The following SEC22A variants were observed in gnomAD, a reference collection of about 807,000 sequenced individuals.
The protein encoded by SEC22A is SEC22 homolog A, vesicle trafficking protein.
Under a neutral mutation model 35.3 loss-of-function variants are expected in SEC22A, and 22 were observed. The ratio of observed to expected loss-of-function variants is 0.62; its 90% CI spans 0.45 to 0.89. The LOEUF (loss-of-function observed/expected upper bound fraction) is 0.89, where lower values mean the gene tolerates loss of function less well. Among genes scored for constraint, SEC22A ranks in the 40% least tolerant of loss-of-function variants. The pLI, the probability that SEC22A is intolerant of heterozygous loss-of-function variation, is 0.00. For synonymous variants in SEC22A, 119 were observed against 129.5 expected, an observed-to-expected ratio of 0.92 and a Z score of 0.55; for missense variants, 354 against 362.5, an observed-to-expected ratio of 0.98 and a Z score of 0.19.
At chr3:123,213,796 A>G (rs1455598483) in intron 2 of SEC22A, among the ~76,000 whole-genome samples, 1 of 152,204 alleles carries the variant, frequency 6.6e-6, no homozygotes, top group African/African-American at 2.4e-5. Context: ...ATTATGTGCC[A>G]AATCAGTTGA....
chr3:123,220,867 C>CATATATATATATATATAT (rs563341393), intron 2 of SEC22A, among the ~76,000 whole-genome samples: 4,061 of 95,972 alleles, frequency 0.042, 401 homozygotes, highest in Non-Finnish European at 0.062. Context: ...AAAAAGGTCT[C>CATATATATATATATATAT]ATATATATAT....
chr3:123,264,560 ATGATGCTAAACATTGTTTCATGTATT>A (rs1338772855), intron 6 of SEC22A, among the ~76,000 whole-genome samples: 1 of 151,722 alleles, frequency 6.6e-6, no homozygotes, highest in Non-Finnish European at 1.5e-5. Flanking sequence ...TCATTAGCTA[ATGATGCTAAACATTGTTTCATGTATT>A]TGTCATGTGT....
intron 4 of SEC22A, among the ~76,000 whole-genome samples, chr3:123,244,940 CT>C (rs747338351): frequency 6.6e-6 from 1 of 152,136 alleles, no homozygotes; most frequent in Non-Finnish European, 1.5e-5. Flanking sequence ...TATTGTATAA[CT>C]TTTGTGCTGC....
At chr3:123,224,217 C>G (rs1937180689) in intron 3 of SEC22A, among the ~76,000 whole-genome samples, 1 of 151,028 alleles carries the variant, frequency 6.6e-6, no homozygotes, top group Admixed American at 6.6e-5. Context: ...AGTCAGCAGG[C>G]TAGATTTGGC....
intron 5 of SEC22A, among the ~76,000 whole-genome samples, chr3:123,256,434 A>T (rs1366674422): frequency 8.4e-6 from 1 of 119,146 alleles, no homozygotes; most frequent in Non-Finnish European, 1.9e-5. Context: ...TTGCCTAAAC[A>T]AGAAGCCTCT....
intron 2 of SEC22A, 91 bp from the exon 3 acceptor site, chr3:123,223,468 G>C: frequency 1.1e-6 from 1 of 939,262 alleles, no homozygotes; most frequent in East Asian, 2.5e-5. Flanking sequence ...CACCGTAGTA[G>C]CAGTTTATGG....
chr3:123,224,276 A>AC (rs143905372), intron 3 of SEC22A, among the ~76,000 whole-genome samples: 4,587 of 152,136 alleles, frequency 0.03, 217 homozygotes, highest in African/African-American at 0.1. Flanking sequence ...AAAAAAAAAA[A>AC]CACCATGTTG....
chr3:123,226,349 C>G (rs1281471341), intron 4 of SEC22A, among the ~76,000 whole-genome samples: 1 of 152,166 alleles, frequency 6.6e-6, no homozygotes, highest in African/African-American at 2.4e-5. Context: ...ACGTCATCAC[C>G]AGCATTCATT....
intron 6 of SEC22A, among the ~76,000 whole-genome samples, chr3:123,264,339 A>G (rs140430084): frequency 1.6e-4 from 25 of 152,394 alleles, no homozygotes; most frequent in African/African-American, 6.0e-4. Context: ...GCCTAGGAGT[A>G]CAATTGCCAG....
chr3:123,246,349 A>T (rs1010668752), intron 5 of SEC22A, among the ~76,000 whole-genome samples: 3 of 152,134 alleles, frequency 2.0e-5, no homozygotes, highest in African/African-American at 7.2e-5. Context: ...GAAGGGGGAG[A>T]GGTCAGTATA....
chr3:123,212,722 A>G (rs1385597014), intron 2 of SEC22A, among the ~76,000 whole-genome samples: 1 of 150,750 alleles, frequency 6.6e-6, no homozygotes, highest in Non-Finnish European at 1.5e-5. Context: ...GCAATTTAGG[A>G]AAAAAAAAAT....
At chr3:123,238,959 A>G (rs908757052) in intron 4 of SEC22A, among the ~76,000 whole-genome samples, 4 of 152,334 alleles carry the variant, frequency 2.6e-5, no homozygotes, top group East Asian at 1.9e-4. Context: ...CATGTACTCA[A>G]CTATAACAAC....
At position 123,225,104 on chromosome 3, in the gene SEC22A, T is replaced by A. The variant is rs532530213; in HGVS notation, c.348T>A (p.Asp116Glu). Residue 116 changes from aspartate to glutamate, a missense_variant and splice_region_variant, in exon 4 of 7, where the codon GAT becomes GAA. Transcript: ENST00000492595. ...AVRPYCFIEF[D>E]NFIQRTKQRY... is the part of the protein sequence containing the mutation. Reference sequence around the variant, plus strand: ...AAATTTATTTTTTATTTTACATAGATAACTTCATTCAGAGGACCAAGCAGC... The same window carrying A: ...AAATTTATTTTTTATTTTACATAGAAAACTTCATTCAGAGGACCAAGCAGC... 6 of 1,583,148 alleles carry A rather than the reference T, an allele frequency of 3.8e-6. No individual in the cohort carries two copies. The highest frequency in any genetic ancestry group is 5.2e-6 in the Non-Finnish European group (6 of 1,159,452).
At chr3:123,215,723 A>T (rs1489127807) in intron 2 of SEC22A, among the ~76,000 whole-genome samples, 1 of 152,194 alleles carries the variant, frequency 6.6e-6, no homozygotes, top group Non-Finnish European at 1.5e-5. Context: ...TCGCATTATT[A>T]TCTGGTAAAA....
At chr3:123,226,559 A>G (rs998256110) in intron 4 of SEC22A, among the ~76,000 whole-genome samples, 1 of 152,114 alleles carries the variant, frequency 6.6e-6, no homozygotes, top group African/African-American at 2.4e-5. Flanking sequence ...TTTTTCATAT[A>G]GAGTTGTTTG....
At chr3:123,268,156 G>T (rs1265892724) in intron 6 of SEC22A, among the ~76,000 whole-genome samples, 1 of 152,124 alleles carries the variant, frequency 6.6e-6, no homozygotes, top group African/African-American at 2.4e-5. Context: ...TGATGGTGTG[G>T]GTATGGGTGG....
intron 5 of SEC22A, among the ~76,000 whole-genome samples, chr3:123,252,809 A>T (rs889262462): frequency 4.6e-5 from 7 of 152,196 alleles, no homozygotes; most frequent in Admixed American, 2.6e-4. Context: ...CGTAGCACTG[A>T]AGTTTTTCTT....
chr3:123,230,698 G>GAA (rs1559756237), intron 4 of SEC22A, among the ~76,000 whole-genome samples: 3 of 52,820 alleles, frequency 5.7e-5, no homozygotes, highest in African/African-American at 3.4e-4. Context: ...TTCACTTCAT[G>GAA]CAAAAAAAAA....
chr3:123,233,905 A>G (rs1403515265), intron 4 of SEC22A, among the ~76,000 whole-genome samples: 3 of 152,346 alleles, frequency 2.0e-5, no homozygotes, highest in Non-Finnish European at 2.9e-5. Context: ...AAAGGAAGAA[A>G]TAAAATAACA....
Sources: allele counts gnomAD v4.1 joint callset (sites outside exome capture counted in the v4.1 genomes callset), GRCh38; gene constraint gnomAD v4.1.1; transcripts MANE v1.5; gene names NCBI Gene and HGNC (gene_info 2026-07-23, HGNC 2026-07-21).